Variants in PDE10A observed in about 807,000 individuals in gnomAD.
The protein encoded by PDE10A is phosphodiesterase 10A, also known as cAMP and cAMP-inhibited cGMP 3',5'-cyclic phosphodiesterase 10A.
PDE10A carries 39 observed loss-of-function variants against 97.7 expected under a neutral mutation model. The ratio of observed to expected loss-of-function variants is 0.40; its 90% CI spans 0.31 to 0.52. PDE10A has a LOEUF of 0.52. Ranked by LOEUF, PDE10A falls within the 20% of genes least tolerant of loss-of-function variation. The probability of loss-of-function intolerance (pLI) is 0.56; values close to 1 mark genes in which losing one functional copy is unlikely to be tolerated. For missense variants in PDE10A, 731 were observed against 1,047.8 expected (o/e 0.70, Z 4.17); for synonymous variants, 371 against 376.8 (o/e 0.98, Z 0.18).
chr6:165,762,328 C>T (rs550632451), intron 1 of PDE10A, among the ~76,000 whole-genome samples: 8 of 152,252 alleles, frequency 5.3e-5, no homozygotes, highest in Admixed American at 2.0e-4. Flanking sequence ...CCTGGCAATA[C>T]GTGTTGTCTG....
At chr6:165,916,664 T>C (rs1437335303) in intron 1 of PDE10A, among the ~76,000 whole-genome samples, 2 of 152,232 alleles carry the variant, frequency 1.3e-5, no homozygotes, top group Non-Finnish European at 2.9e-5. Context: ...ATTTCATTTA[T>C]TGATTGATTG....
chr6:165,790,744 CGTG>C (rs377039491), intron 1 of PDE10A, among the ~76,000 whole-genome samples: 11 of 152,206 alleles, frequency 7.2e-5, no homozygotes, highest in Middle Eastern at 3.4e-3. Flanking sequence ...AAGAAGGTCA[CGTG>C]GGGTCATTCT....
chr6:165,509,576 A>C (rs1040736596), intron 2 of PDE10A, among the ~76,000 whole-genome samples: 4 of 147,680 alleles, frequency 2.7e-5, no homozygotes, highest in African/African-American at 1.0e-4. Context: ...GGTTCCATAC[A>C]AATTTCAGGA....
chr6:165,612,225 A>C (rs1787528239), intron 1 of PDE10A, among the ~76,000 whole-genome samples: 1 of 152,202 alleles, frequency 6.6e-6, no homozygotes, highest in South Asian at 2.1e-4. Context: ...CTATTACTCC[A>C]AACTATGGCA....
intron 1 of PDE10A, among the ~76,000 whole-genome samples, chr6:165,953,540 G>T (rs551190407): frequency 6.6e-6 from 1 of 151,718 alleles, no homozygotes; most frequent in Non-Finnish European, 1.5e-5. Context: ...GCACCAAGAC[G>T]AGATTGTGCC....
intron 2 of PDE10A, among the ~76,000 whole-genome samples, chr6:165,537,182 A>G (rs1412281968): frequency 1.3e-5 from 2 of 152,070 alleles, no homozygotes. Context: ...TAAGCCAAGC[A>G]CAGAAAGACA....
intron 1 of PDE10A, among the ~76,000 whole-genome samples, chr6:165,625,340 A>C (rs528635408): frequency 6.6e-6 from 1 of 152,310 alleles, no homozygotes. Context: ...GCAGGTGGCA[A>C]AAAGTGGGTG....
intron 1 of PDE10A, among the ~76,000 whole-genome samples, chr6:165,934,152 CTTTTTTTTT>C (rs778137427): frequency 5.5e-5 from 6 of 109,170 alleles, no homozygotes; most frequent in East Asian, 2.4e-4. Flanking sequence ...CCTGGCTGAT[CTTTTTTTTT>C]TTTTTTTTTT....
At chr6:165,892,022 G>A (rs983993537) in intron 1 of PDE10A, among the ~76,000 whole-genome samples, 2 of 151,500 alleles carry the variant, frequency 1.3e-5, no homozygotes, top group Non-Finnish European at 2.9e-5. Flanking sequence ...AGTAAAACTC[G>A]ATTCTCCCCC....
intron 18 of PDE10A, among the ~76,000 whole-genome samples, chr6:165,348,888 G>A (rs1279333119): frequency 3.3e-5 from 5 of 152,234 alleles, no homozygotes; most frequent in South Asian, 2.1e-4. Context: ...CTGCTGCCAC[G>A]TGAAGAAGGA....
chr6:165,704,639 CA>C lies in PDE10A; in HGVS notation c.-614-161072del, dbSNP rs201990650. Among the ~76,000 whole-genome samples, 207 of 152,010 alleles carry C rather than the reference CA, an allele frequency of 1.4e-3. 5 individuals are homozygous for C. The East Asian group carries it at 0.033, about 24-fold the overall frequency. On this transcript the variant is annotated intron_variant, in intron 1 of 19. Coordinates refer to the PDE10A transcript ENST00000366882. ...AAAGAAAAATCAGAGTCACCAACAG[CA>C]AAAAATAAATAAATAAAATAAAATC...
chr6:165,418,529 T>C lies in PDE10A; in HGVS notation c.1796+106A>G. ...GGTCCTGGTGGGAATGATATCACAG[T>C]ATGACAAGTATTGTCAGCATACCTG... On this transcript the variant is annotated intron_variant, in intron 11 of 21. Coordinates refer to ENST00000539869, the MANE Select transcript of PDE10A (RefSeq NM_001385079.1). This position sits in a 1 kb window ranked among gnomAD's most constrained non-coding sequence, Gnocchi z 4.8. 1 of 1,004,394 alleles carries C rather than the reference T, an allele frequency of 1.0e-6. No homozygotes were observed. The highest frequency in any genetic ancestry group is 2.4e-5 in the East Asian group (1 of 41,718). The allele number at this position is 1,004,394 out of a possible 1,614,324, so 62.2% of individuals were successfully genotyped here. A position where few individuals can be genotyped will look rare whatever the true frequency, so the allele number is the denominator to read the frequency against.
chr6:165,450,689 G>A (rs62443768), intron 3 of PDE10A, among the ~76,000 whole-genome samples: 183 of 152,084 alleles, frequency 1.2e-3, no homozygotes, highest in African/African-American at 4.0e-3. Flanking sequence ...CCAAGCAGCT[G>A]AGACTACAGG....
At chr6:165,530,540 C>G (rs1782712519) in intron 2 of PDE10A, among the ~76,000 whole-genome samples, 1 of 152,064 alleles carries the variant, frequency 6.6e-6, no homozygotes, top group African/African-American at 2.4e-5. Context: ...TGCTCACTAC[C>G]TGGGTGATGG....
chr6:165,600,583 T>C (rs569058679), intron 1 of PDE10A, among the ~76,000 whole-genome samples: 2 of 152,328 alleles, frequency 1.3e-5, no homozygotes, highest in South Asian at 4.1e-4. Context: ...TCTTCCTCTC[T>C]CCCTTTAACC....
chr6:165,661,813 C>A lies in PDE10A; in HGVS notation c.865+134G>T. The A allele has an allele frequency of 1.8e-6, 1 of 549,636 alleles. No homozygotes were observed. Among genetic ancestry groups the A allele is most frequent in the Non-Finnish European group, 3.3e-6 (1 of 300,198 alleles). 34.0% of individuals were successfully genotyped at this position (549,636 alleles called of 1,614,324 possible). ...CGGCTCCTGCCCCTCCAGAGAAGCC[C>A]CCTGGGCGCTCCACGCCCGGGCACG... On this transcript the variant is annotated intron_variant, in intron 1 of 21. Coordinates refer to ENST00000539869, the MANE Select transcript of PDE10A (RefSeq NM_001385079.1). The surrounding 1 kb of genome is among the most constrained non-coding windows in gnomAD (Gnocchi z 4.8).
intron 2 of PDE10A, among the ~76,000 whole-genome samples, chr6:165,488,739 G>A (rs773844790): frequency 1.1e-4 from 16 of 152,122 alleles, no homozygotes; most frequent in Non-Finnish European, 1.5e-4. Flanking sequence ...AATAAACTCA[G>A]TGTGTTGCGG....
At chr6:165,967,452 G>A (rs371672366) in intron 1 of PDE10A, among the ~76,000 whole-genome samples, 59 of 152,320 alleles carry the variant, frequency 3.9e-4, no homozygotes, top group African/African-American at 1.1e-3. Flanking sequence ...AGCCAAGACT[G>A]TGCCACTGCA....
At chr6:165,548,500 T>A (rs559692883) in intron 1 of PDE10A, among the ~76,000 whole-genome samples, 49 of 152,278 alleles carry the variant, frequency 3.2e-4, no homozygotes, top group Admixed American at 2.1e-3. Context: ...TTTTTCTGAC[T>A]TTATCCCTGT....
Sources: allele counts gnomAD v4.1 joint callset (sites outside exome capture counted in the v4.1 genomes callset), GRCh38; gene constraint gnomAD v4.1.1; non-coding constraint Gnocchi (gnomAD v3.1); transcripts MANE v1.5; gene names NCBI Gene and HGNC (gene_info 2026-07-23, HGNC 2026-07-21).